Variants in DRC9 observed in about 807,000 individuals in gnomAD.
The protein encoded by DRC9 is dynein regulatory complex subunit 9, also known as dynein regulatory complex protein 9.
the DRC9 span, among the ~76,000 whole-genome samples, chr3:197,919,493 T>C: frequency 2.6e-5 from 4 of 152,238 alleles, no homozygotes; most frequent in Non-Finnish European, 5.9e-5. Context: ...GGAACCTTCC[T>C]CGTGGTCAGG....
At chr3:197,903,056 G>T in the DRC9 span, among the ~76,000 whole-genome samples, 4 of 152,102 alleles carry the variant, frequency 2.6e-5, no homozygotes, top group Admixed American at 6.6e-5. Context: ...TTTGACAAAG[G>T]TACCAAGAAC....
chr3:197,960,168 A>T, the DRC9 span: 1 of 1,478,716 alleles, frequency 6.8e-7, no homozygotes, highest in Non-Finnish European at 9.2e-7. Context: ...CCCTCCGTCT[A>T]CCCCCAGCGG....
the DRC9 span, chr3:197,950,664 AT>A: frequency 1.9e-6 from 1 of 512,980 alleles, no homozygotes; most frequent in Admixed American, 3.4e-5. Flanking sequence ...AACGGCATGC[AT>A]TTTCTCAGGC....
chr3:197,910,295 G>A, the DRC9 span, among the ~76,000 whole-genome samples: 1 of 152,036 alleles, frequency 6.6e-6, no homozygotes, highest in South Asian at 2.1e-4. Context: ...GAGAGACCCT[G>A]TCCCTAAAAA....
the DRC9 span, among the ~76,000 whole-genome samples, chr3:197,895,974 C>CAAAAA: frequency 2.1e-3 from 126 of 58,974 alleles, no homozygotes; most frequent in African/African-American, 7.2e-3. Context: ...GACCCTGTCT[C>CAAAAA]AAAAAAAAAA....
the DRC9 span, among the ~76,000 whole-genome samples, chr3:197,955,232 A>C: frequency 2.4e-4 from 36 of 152,118 alleles, no homozygotes; most frequent in Admixed American, 4.6e-4. Flanking sequence ...TCTTTAGAAG[A>C]AGCAAAATTA....
At chr3:197,960,098 T>C in the DRC9 span, 6 of 786,012 alleles carry the variant, frequency 7.6e-6, no homozygotes, top group East Asian at 2.8e-5. Context: ...CCTCATCTTC[T>C]GCGGCGAACT....
chr3:197,911,149 A>T, the DRC9 span, among the ~76,000 whole-genome samples: 1 of 152,196 alleles, frequency 6.6e-6, no homozygotes, highest in Non-Finnish European at 1.5e-5. Context: ...ACATGTGGAA[A>T]AATGTTATGT....
At chr3:197,921,851 C>G in the DRC9 span, among the ~76,000 whole-genome samples, 1 of 124,234 alleles carries the variant, frequency 8.0e-6, no homozygotes, top group East Asian at 2.1e-4. Context: ...TTGATTGACC[C>G]GACTACTGGT....
At chr3:197,954,258 A>T in the DRC9 span, 1 of 1,058,154 alleles carries the variant, frequency 9.5e-7, no homozygotes, top group Non-Finnish European at 1.4e-6. Context: ...CCAGTAAATT[A>T]TGCTGCAAAA....
the DRC9 span, among the ~76,000 whole-genome samples, chr3:197,906,128 C>A: frequency 9.9e-5 from 15 of 152,206 alleles, no homozygotes; most frequent in African/African-American, 3.6e-4. Flanking sequence ...TTTTTCTTGC[C>A]AGCTGACAAA....
the DRC9 span, among the ~76,000 whole-genome samples, chr3:197,954,637 G>A: frequency 6.6e-6 from 1 of 152,138 alleles, no homozygotes; most frequent in South Asian, 2.1e-4. Flanking sequence ...AGCCTCCCGA[G>A]TAGCTGGAAT....
the DRC9 span, among the ~76,000 whole-genome samples, chr3:197,931,773 C>T: frequency 1.3e-5 from 2 of 151,772 alleles, no homozygotes; most frequent in Non-Finnish European, 2.9e-5. Flanking sequence ...TACAGGCGCC[C>T]GCCACCACGC....
chr3:197,903,423 G>T, the DRC9 span, among the ~76,000 whole-genome samples: 4 of 152,032 alleles, frequency 2.6e-5, no homozygotes, highest in African/African-American at 9.7e-5. Flanking sequence ...GAGGCAGGTG[G>T]ATCACTTGAG....
At chr3:197,902,542 G>T in the DRC9 span, among the ~76,000 whole-genome samples, 5 of 151,948 alleles carry the variant, frequency 3.3e-5, no homozygotes, top group Admixed American at 6.6e-5. Context: ...AAAAGAAGCA[G>T]AAACTCTTGA....
At chr3:197,913,995 C>A in the DRC9 span, 1 of 1,614,160 alleles carries the variant, frequency 6.2e-7, no homozygotes, top group Non-Finnish European at 8.5e-7. Flanking sequence ...ATTTTGCCTT[C>A]ATCTCTTGCA....
the DRC9 span, among the ~76,000 whole-genome samples, chr3:197,937,862 G>T: frequency 5.3e-5 from 8 of 152,112 alleles, no homozygotes; most frequent in African/African-American, 1.9e-4. Context: ...GAAGCTTGAG[G>T]GCGGCAGTGC....
At chr3:197,942,936 T>C in the DRC9 span, among the ~76,000 whole-genome samples, 1 of 151,704 alleles carries the variant, frequency 6.6e-6, no homozygotes, top group Non-Finnish European at 1.5e-5. Context: ...AGTTATATAA[T>C]GTTATTATTT....
the DRC9 span, chr3:197,913,074 C>T: frequency 2.3e-5 from 6 of 265,992 alleles, no homozygotes; most frequent in Non-Finnish European, 4.3e-5. Flanking sequence ...AGAGTGTTGA[C>T]GTGGCCTTGA....
Sources: allele counts gnomAD v4.1 joint callset (sites outside exome capture counted in the v4.1 genomes callset), GRCh38; gene constraint gnomAD v4.1.1; transcripts MANE v1.5; gene names NCBI Gene and HGNC (gene_info 2026-07-23, HGNC 2026-07-21).